Variants in CNTN4 observed in about 807,000 individuals in gnomAD.
CNTN4 encodes the protein contactin 4.
CNTN4 carries 77 observed loss-of-function variants against 122.5 expected under a neutral mutation model. The ratio of observed to expected loss-of-function variants is 0.63; its 90% CI spans 0.52 to 0.76. The LOEUF is 0.76. Ranked by LOEUF, CNTN4 falls within the 30% of genes least tolerant of loss-of-function variation. The probability of loss-of-function intolerance (pLI) is 0.00; values close to 1 mark genes in which losing one functional copy is unlikely to be tolerated. For synonymous variants in CNTN4, 512 were observed against 447.0 expected (o/e 1.15, Z -1.83); for missense variants, 1,256 against 1,259.1 (o/e 1.00, Z 0.04).
chr3:2,503,723 A>G lies in CNTN4; in HGVS notation c.-88-67693A>G, dbSNP rs79408734. 4.6e-3 allele frequency among the ~76,000 whole-genome samples: 693 copies of G among 152,218 alleles called. 7 individuals are homozygous for G. The highest frequency in any genetic ancestry group is 0.016 in the African/African-American group (664 of 41,550). ...TTTAATAAAGTGGGTAGGGATGAGG[A>G]AGCATTACAGGCAAAGGAGAGAATA... On this transcript the variant is annotated intron_variant, in intron 3 of 24. Coordinates refer to ENST00000418658, the MANE Select transcript of CNTN4 (RefSeq NM_175607.3).
intron 4 of CNTN4, among the ~76,000 whole-genome samples, chr3:2,623,741 A>G (rs1409599225): frequency 2.6e-5 from 4 of 152,200 alleles, no homozygotes. Context: ...GGAAAACAGT[A>G]ATATGTGTAT....
At chr3:2,411,021 T>G (rs77414105) in intron 3 of CNTN4, among the ~76,000 whole-genome samples, 1,557 of 152,328 alleles carry the variant, frequency 0.01, 29 homozygotes, top group African/African-American at 0.036. Context: ...ATTTCAACTG[T>G]ACTTTACATA....
chr3:2,125,112 C>G (rs1027606805), intron 2 of CNTN4, among the ~76,000 whole-genome samples: 6 of 152,232 alleles, frequency 3.9e-5, no homozygotes, highest in East Asian at 3.9e-4. Context: ...AACAATAACT[C>G]TCCATTTTTC....
At chr3:2,190,277 G>A (rs1176212726) in intron 2 of CNTN4, among the ~76,000 whole-genome samples, 1 of 151,392 alleles carries the variant, frequency 6.6e-6, no homozygotes, top group African/African-American at 2.4e-5. Context: ...AAGCAGTTGG[G>A]TGGATCTAGG....
At chr3:2,575,617 A>G (rs1017080058) in intron 4 of CNTN4, among the ~76,000 whole-genome samples, 2 of 152,084 alleles carry the variant, frequency 1.3e-5, no homozygotes, top group Non-Finnish European at 2.9e-5. Context: ...TGTCCCCAGG[A>G]CCCACCGTCT....
At chr3:2,732,980 T>C (rs2088811044) in intron 4 of CNTN4, among the ~76,000 whole-genome samples, 2 of 152,214 alleles carry the variant, frequency 1.3e-5, no homozygotes, top group African/African-American at 4.8e-5. Flanking sequence ...GAATGCATTA[T>C]TTATAGTGAA....
intron 4 of CNTN4, among the ~76,000 whole-genome samples, chr3:2,598,178 G>A (rs2080861990): frequency 6.6e-6 from 1 of 152,124 alleles, no homozygotes; most frequent in East Asian, 1.9e-4. Context: ...TATCAAACAT[G>A]ATTGCTCTTC....
chr3:2,367,980 A>C (rs1205081060), intron 3 of CNTN4, among the ~76,000 whole-genome samples: 1 of 151,232 alleles, frequency 6.6e-6, no homozygotes, highest in Non-Finnish European at 1.5e-5. Flanking sequence ...TCAGTGGTTC[A>C]CTATAGCTTT....
chr3:2,125,222 C>G (rs2034065872), intron 2 of CNTN4, among the ~76,000 whole-genome samples: 1 of 151,964 alleles, frequency 6.6e-6, no homozygotes, highest in African/African-American at 2.4e-5. Flanking sequence ...AGTATTTAAC[C>G]TTCTGTAACT....
At chr3:2,465,484 C>A (rs1007648031) in intron 3 of CNTN4, among the ~76,000 whole-genome samples, 2 of 152,048 alleles carry the variant, frequency 1.3e-5, no homozygotes, top group Non-Finnish European at 2.9e-5. Flanking sequence ...CGTGACCAGC[C>A]TGGGCAACAC....
intron 12 of CNTN4, among the ~76,000 whole-genome samples, chr3:2,904,933 T>C (rs984592630): frequency 1.3e-5 from 2 of 152,132 alleles, no homozygotes; most frequent in Non-Finnish European, 2.9e-5. Flanking sequence ...ATAAGAAAAT[T>C]TGATAGAAAC....
intron 6 of CNTN4, among the ~76,000 whole-genome samples, chr3:2,806,152 C>T (rs7635382): frequency 9.9e-5 from 15 of 151,818 alleles, no homozygotes; most frequent in Non-Finnish European, 1.8e-4. Flanking sequence ...CCGCCTGCCT[C>T]GGCCTCCCAA....
At chr3:2,216,837 C>A (rs1461917856) in intron 2 of CNTN4, among the ~76,000 whole-genome samples, 1 of 152,276 alleles carries the variant, frequency 6.6e-6, no homozygotes, top group African/African-American at 2.4e-5. Flanking sequence ...CTTGCGGTCT[C>A]AGTCTTATCA....
At position 2,427,103 on chromosome 3, in the gene CNTN4, C is replaced by G. The variant is rs192533214; in HGVS notation, c.-89+87870C>G. Among the ~76,000 whole-genome samples the G allele has an allele frequency of 1.1e-3, 165 of 152,074 alleles. 2 individuals carry two copies. The highest frequency in any genetic ancestry group is 3.7e-3 in the African/African-American group (154 of 41,486). On this transcript the variant is annotated intron_variant, in intron 3 of 24. Coordinates refer to ENST00000418658, the MANE Select transcript of CNTN4 (RefSeq NM_175607.3). ...CTACTCTGATCTTAGTTATTTCTTG[C>G]CTTCTGCTAGCTTTTGAATGTGTTT...
At chr3:2,967,454 A>G (rs931055610) in intron 13 of CNTN4, among the ~76,000 whole-genome samples, 13 of 152,134 alleles carry the variant, frequency 8.5e-5, no homozygotes, top group Non-Finnish European at 1.6e-4. Flanking sequence ...TTAGCCTACA[A>G]ATTAGCTGGG....
intron 13 of CNTN4, 106 bp from the exon 14 acceptor site, chr3:2,988,239 G>A (rs1337493687): frequency 3.8e-6 from 4 of 1,060,332 alleles, no homozygotes; most frequent in South Asian, 2.6e-5. Flanking sequence ...TACAAATAAT[G>A]TAGCAATGAT....
At chr3:2,120,215 A>T (rs1182799049) in intron 2 of CNTN4, among the ~76,000 whole-genome samples, 1 of 151,436 alleles carries the variant, frequency 6.6e-6, no homozygotes, top group Non-Finnish European at 1.5e-5. Context: ...GAGAAATAAC[A>T]CTGGGAAAAT....
In CNTN4 at chr3:2,773,762, C is replaced by CTTTTTTTTTTTTTT. The variant is rs1234334638; in HGVS notation, c.358+28068_358+28081dup. On this transcript the variant is annotated intron_variant, in intron 6 of 24. Coordinates refer to ENST00000418658, the MANE Select transcript of CNTN4 (RefSeq NM_175607.3). ...GAAGCCTTCATCTCAATGTAGTAGA[C>CTTTTTTTTTTTTTT]TTTTTTTTTTTTTTTTGAGACGGAG... 6.0e-4 allele frequency among the ~76,000 whole-genome samples: 65 copies of CTTTTTTTTTTTTTT among 107,518 alleles called. 4 individuals are homozygous for CTTTTTTTTTTTTTT. Among genetic ancestry groups the CTTTTTTTTTTTTTT allele is most frequent in the African/African-American group, 2.0e-3 (59 of 28,802 alleles). The allele number at this position is 107,518 out of a possible 152,430, so 70.5% of individuals were successfully genotyped here. A position where few individuals can be genotyped will look rare whatever the true frequency, so the allele number is the denominator to read the frequency against.
chr3:2,738,701 T>A (rs1256372026), intron 5 of CNTN4, among the ~76,000 whole-genome samples: 1 of 152,152 alleles, frequency 6.6e-6, no homozygotes, highest in African/African-American at 2.4e-5. Context: ...GACAATGGAT[T>A]GTCTATATGG....
Sources: allele counts gnomAD v4.1 joint callset (sites outside exome capture counted in the v4.1 genomes callset), GRCh38; gene constraint gnomAD v4.1.1; transcripts MANE v1.5; gene names NCBI Gene and HGNC (gene_info 2026-07-23, HGNC 2026-07-21).